The following CNOT2 variants were observed in gnomAD, a reference collection of about 807,000 sequenced individuals.
The protein encoded by CNOT2 is CC chemokine receptor 4-negative regulator of transcription 2.
In CNOT2, 7 loss-of-function variants were observed where a neutral mutation model predicts 72.1. The observed-to-expected ratio is 0.10, with a 90% confidence interval of 0.06 to 0.18. The LOEUF is 0.18. Among genes scored for constraint, CNOT2 ranks in the 10% least tolerant of loss-of-function variants. CNOT2 has a pLI of 1.00. For missense variants in CNOT2, 345 were observed against 660.3 expected (o/e 0.52, Z 5.23); for synonymous variants, 196 against 225.6 (o/e 0.87, Z 1.17).
chr12:70,308,972 A>G (rs776650806), intron 2 of CNOT2, among the ~76,000 whole-genome samples: 1 of 152,144 alleles, frequency 6.6e-6, no homozygotes, highest in African/African-American at 2.4e-5. Context: ...GAGTTCTATA[A>G]AGATAATTAA....
chr12:70,252,785 CAA>C (rs936340191), intron 1 of CNOT2, among the ~76,000 whole-genome samples: 1 of 152,006 alleles, frequency 6.6e-6, no homozygotes, highest in African/African-American at 2.4e-5. Context: ...TAAATAAAAA[CAA>C]AGAAAAATGT....
At chr12:70,325,114 A>G (rs1488445709) in intron 4 of CNOT2, among the ~76,000 whole-genome samples, 1 of 151,922 alleles carries the variant, frequency 6.6e-6, no homozygotes. Context: ...AAGAGAAGGG[A>G]AAGTATTCTT....
At position 70,243,927 on chromosome 12, in the gene CNOT2, C is replaced by T. The variant is rs570838865; in HGVS notation, c.-96+447C>T. On this transcript the variant is annotated intron_variant, in intron 1 of 15. Coordinates refer to ENST00000229195, the MANE Select transcript of CNOT2 (RefSeq NM_014515.7). The stretch of plus-strand genomic sequence containing the variant: ...AGGCGGCAGCGGCCGTGGCCGTGGC[C>T]GACGAGCTCGAGCCCGCTTTAGACG... 11 of 152,374 alleles carry T rather than the reference C, an allele frequency of 7.2e-5. No individual in the cohort carries two copies. The South Asian group carries it at 2.3e-3, about 32-fold the overall frequency. The allele number at this position is 152,374 out of a possible 1,614,324, so 9.4% of individuals were successfully genotyped here. A position where few individuals can be genotyped will look rare whatever the true frequency, so the allele number is the denominator to read the frequency against.
At chr12:70,304,003 A>G (rs555145714) in intron 2 of CNOT2, among the ~76,000 whole-genome samples, 29 of 152,296 alleles carry the variant, frequency 1.9e-4, no homozygotes, top group African/African-American at 4.8e-4. Flanking sequence ...CTCATTGGCT[A>G]CTGAGGCTTG....
chr12:70,301,198 T>C (rs1184154096), intron 2 of CNOT2, among the ~76,000 whole-genome samples: 3 of 152,186 alleles, frequency 2.0e-5, no homozygotes, highest in African/African-American at 7.2e-5. Flanking sequence ...TTTTCCTAAT[T>C]GAATGCCCTT....
chr12:70,345,311 G>A (rs764611765), intron 14 of CNOT2: 1 of 152,000 alleles, frequency 6.6e-6, no homozygotes, highest in Non-Finnish European at 1.5e-5. Flanking sequence ...GAATTGTTTC[G>A]TTTCATTTCA....
chr12:70,261,834 ATT>A (rs768517174), intron 1 of CNOT2, among the ~76,000 whole-genome samples: 29 of 139,088 alleles, frequency 2.1e-4, no homozygotes, highest in Admixed American at 3.6e-4. Context: ...TGGGCCTGAG[ATT>A]TTTTTTTTTT....
chr12:70,265,195 C>G (rs889663321), intron 1 of CNOT2, among the ~76,000 whole-genome samples: 1 of 151,986 alleles, frequency 6.6e-6, no homozygotes, highest in African/African-American at 2.4e-5. Context: ...GAAAACATGT[C>G]AAGTTGGTAT....
At chr12:70,326,215 CT>C (rs1565814596) in intron 4 of CNOT2, among the ~76,000 whole-genome samples, 4 of 151,600 alleles carry the variant, frequency 2.6e-5, no homozygotes, top group Non-Finnish European at 3.0e-5. Flanking sequence ...ACCTTTTAAA[CT>C]TTTTTTAAAA....
At chr12:70,272,166 G>A (rs1959323241) in intron 1 of CNOT2, among the ~76,000 whole-genome samples, 1 of 152,144 alleles carries the variant, frequency 6.6e-6, no homozygotes, top group Admixed American at 6.5e-5. Flanking sequence ...TATATTTCTT[G>A]TGCTTCATTT....
At chr12:70,298,780 T>C (rs1873280639) in intron 2 of CNOT2, among the ~76,000 whole-genome samples, 1 of 152,060 alleles carries the variant, frequency 6.6e-6, no homozygotes, top group Non-Finnish European at 1.5e-5. Flanking sequence ...TGGCAAGGGT[T>C]TGGTGGTGTC....
intron 3 of CNOT2, among the ~76,000 whole-genome samples, chr12:70,317,438 A>G (rs1051051568): frequency 5.9e-5 from 9 of 152,028 alleles, no homozygotes; most frequent in Admixed American, 5.3e-4. Flanking sequence ...TTTTCAGTTA[A>G]TGCAGTAACA....
intron 1 of CNOT2, among the ~76,000 whole-genome samples, chr12:70,251,229 G>A (rs1473138885): frequency 1.3e-5 from 2 of 152,016 alleles, no homozygotes; most frequent in African/African-American, 2.4e-5. Context: ...TTAAATTTTT[G>A]TCATACTGTA....
intron 1 of CNOT2, among the ~76,000 whole-genome samples, chr12:70,265,393 C>G (rs1313782013): frequency 6.6e-6 from 1 of 150,650 alleles, no homozygotes; most frequent in African/African-American, 2.4e-5. Context: ...TGTAAGACTT[C>G]AGGTTTTTTG....
chr12:70,304,838 G>A (rs1874923927), intron 2 of CNOT2, among the ~76,000 whole-genome samples: 2 of 152,206 alleles, frequency 1.3e-5, no homozygotes, highest in Admixed American at 1.3e-4. Context: ...CGAGCTTCCT[G>A]GCTGCTTTGT....
At chr12:70,326,154 G>A (rs191745240) in intron 4 of CNOT2, among the ~76,000 whole-genome samples, 9,034 of 150,856 alleles carry the variant, frequency 0.06, 430 homozygotes, top group East Asian at 0.16. Context: ...CTAATATTGT[G>A]TTGTTATTAT....
Position 70,354,752 on chromosome 12 carries a change from A to C in CNOT2, c.*837A>C, listed in dbSNP as rs576297765. 1 of 152,628 alleles carries C rather than the reference A, an allele frequency of 6.6e-6. No homozygotes were observed. The highest frequency in any genetic ancestry group is 2.1e-4 in the South Asian group (1 of 4,834). The allele number at this position is 152,628 out of a possible 1,614,324, so 9.5% of individuals were successfully genotyped here. ...TGGATGCAATATATGAAAATGGGAC[A>C]TTCTGGAACTGCTGGTCAGGGGACT... On this transcript the variant is annotated 3_prime_UTR_variant, in exon 16 of 16. Transcript: ENST00000229195.
At chr12:70,287,212 T>C (rs1258500404) in intron 2 of CNOT2, among the ~76,000 whole-genome samples, 1 of 103,624 alleles carries the variant, frequency 9.7e-6, no homozygotes, top group African/African-American at 3.8e-5. Flanking sequence ...CTACCTTATA[T>C]ATTTTTTTCC....
At chr12:70,246,511 C>G (rs1957880372) in intron 1 of CNOT2, among the ~76,000 whole-genome samples, 1 of 152,096 alleles carries the variant, frequency 6.6e-6, no homozygotes, top group Non-Finnish European at 1.5e-5. Flanking sequence ...CAGTGTTAAT[C>G]AAGAGATCTA....
Sources: gnomAD v4.1 joint callset for allele counts (sites outside exome capture counted in the v4.1 genomes callset) on GRCh38, gnomAD v4.1.1 for gene constraint, MANE v1.5 for transcripts, NCBI Gene and HGNC (gene_info 2026-07-23, HGNC 2026-07-21) for gene names.